The following IGBP1C variants were observed in gnomAD, a reference collection of about 807,000 sequenced individuals.
IGBP1C encodes the protein immunoglobulin-binding protein 1 family member C.
the IGBP1C span, among the ~76,000 whole-genome samples, chr17:58,678,009 G>C: frequency 6.6e-6 from 1 of 152,208 alleles, no homozygotes; most frequent in South Asian, 2.1e-4. Context: ...AATTAGCCTG[G>C]CATGGTGGCG....
chr17:58,668,949 G>GA, the IGBP1C span, among the ~76,000 whole-genome samples: 3 of 151,744 alleles, frequency 2.0e-5, no homozygotes, highest in African/African-American at 7.3e-5. Flanking sequence ...TATCAAATTA[G>GA]AAAAAAAGGC....
chr17:58,669,472 C>A, the IGBP1C span, among the ~76,000 whole-genome samples: 1 of 151,880 alleles, frequency 6.6e-6, no homozygotes, highest in African/African-American at 2.4e-5. Flanking sequence ...GTGGCTCACG[C>A]CTGTAATCCT....
chr17:58,678,818 T>TATAATTATA, the IGBP1C span, among the ~76,000 whole-genome samples: 2 of 137,324 alleles, frequency 1.5e-5, no homozygotes, highest in East Asian at 4.2e-4. Flanking sequence ...GAACTTAAAG[T>TATAATTATA]ATAATAATAA....
chr17:58,674,023 T>G, the IGBP1C span, among the ~76,000 whole-genome samples: 1 of 152,150 alleles, frequency 6.6e-6, no homozygotes. Flanking sequence ...CCTGTAATCC[T>G]GGCACTTTGG....
chr17:58,660,959 TC>T, the IGBP1C span: 146 of 1,123,582 alleles, frequency 1.3e-4, no homozygotes, highest in Non-Finnish European at 1.8e-4. Flanking sequence ...TATTTCCTGA[TC>T]AATGCTCTCA....
At chr17:58,684,595 T>C in the IGBP1C span, among the ~76,000 whole-genome samples, 1 of 151,766 alleles carries the variant, frequency 6.6e-6, no homozygotes, top group Non-Finnish European at 1.5e-5. Context: ...ATCGTGCCAC[T>C]GCACTCCAGC....
chr17:58,690,204 T>C, the IGBP1C span, among the ~76,000 whole-genome samples: 4 of 152,184 alleles, frequency 2.6e-5, no homozygotes, highest in Non-Finnish European at 4.4e-5. Context: ...TCTCGCTCTG[T>C]CGCCCAGATT....
the IGBP1C span, among the ~76,000 whole-genome samples, chr17:58,667,003 G>C: frequency 1.3e-5 from 2 of 152,130 alleles, no homozygotes; most frequent in Non-Finnish European, 1.5e-5. Flanking sequence ...TCCTTCTCCT[G>C]CTCGCGTCAA....
At chr17:58,673,986 A>G in the IGBP1C span, among the ~76,000 whole-genome samples, 3 of 152,122 alleles carry the variant, frequency 2.0e-5, no homozygotes, top group Non-Finnish European at 4.4e-5. Context: ...ATAAAAGGAA[A>G]CCCTGGGCCG....
the IGBP1C span, among the ~76,000 whole-genome samples, chr17:58,682,622 C>A: frequency 2.6e-5 from 4 of 152,092 alleles, no homozygotes; most frequent in African/African-American, 9.7e-5. Context: ...TACAGGCCCA[C>A]CTCAGCTTCC....
chr17:58,666,971 C>A, the IGBP1C span, among the ~76,000 whole-genome samples: 1 of 152,194 alleles, frequency 6.6e-6, no homozygotes, highest in African/African-American at 2.4e-5. Context: ...GTTCTCATCT[C>A]GGCCCGCTTC....
At chr17:58,672,807 CTG>C in the IGBP1C span, among the ~76,000 whole-genome samples, 2 of 151,908 alleles carry the variant, frequency 1.3e-5, no homozygotes, top group South Asian at 4.2e-4. Context: ...TCTCGGCTTA[CTG>C]CAACCTTTGC....
chr17:58,666,458 C>CAAAAAAAAAAAA, the IGBP1C span: 6 of 36,812 alleles, frequency 1.6e-4, 1 homozygote, highest in African/African-American at 2.1e-4. Flanking sequence ...CCTTCCACGG[C>CAAAAAAAAAAAA]AAAAAAAAAA....
At chr17:58,666,989 C>T in the IGBP1C span, among the ~76,000 whole-genome samples, 5 of 152,218 alleles carry the variant, frequency 3.3e-5, no homozygotes, top group Non-Finnish European at 5.9e-5. Flanking sequence ...TTCCAACCAG[C>T]AGTTCCTTCT....
chr17:58,679,671 T>C, the IGBP1C span: 103 of 152,318 alleles, frequency 6.8e-4, 1 homozygote, highest in African/African-American at 2.4e-3. Flanking sequence ...ATCATGTTAT[T>C]TCCCTTGCCA....
At chr17:58,670,601 C>A in the IGBP1C span, among the ~76,000 whole-genome samples, 1 of 151,130 alleles carries the variant, frequency 6.6e-6, no homozygotes, top group Non-Finnish European at 1.5e-5. Flanking sequence ...TGGAGAAACC[C>A]ATCTCTACTA....
the IGBP1C span, among the ~76,000 whole-genome samples, chr17:58,665,470 T>G: frequency 1.3e-5 from 2 of 151,928 alleles, no homozygotes; most frequent in Non-Finnish European, 2.9e-5. Flanking sequence ...TGGTCATGCG[T>G]GGCTGTAGTC....
At chr17:58,682,071 C>G in the IGBP1C span, among the ~76,000 whole-genome samples, 6 of 151,936 alleles carry the variant, frequency 3.9e-5, no homozygotes, top group African/African-American at 1.2e-4. Flanking sequence ...AAGTGAGCCT[C>G]CTGAGTAGCT....
chr17:58,660,635 C>T, the IGBP1C span: 1 of 789,690 alleles, frequency 1.3e-6, no homozygotes, highest in East Asian at 2.4e-5. Flanking sequence ...CCAGTCATCC[C>T]ACTCTCGAGC....
Sources: allele counts gnomAD v4.1 joint callset (sites outside exome capture counted in the v4.1 genomes callset), GRCh38; gene constraint gnomAD v4.1.1; transcripts MANE v1.5; gene names NCBI Gene and HGNC (gene_info 2026-07-23, HGNC 2026-07-21).